Variants in CD80 observed in about 807,000 individuals in gnomAD.
CD80 encodes the protein T-lymphocyte activation antigen CD80.
CD80 carries 13 observed loss-of-function variants against 27.1 expected under a neutral mutation model. The ratio of observed to expected loss-of-function variants is 0.48; its 90% CI spans 0.31 to 0.76. CD80 has a LOEUF of 0.76. CD80 is among the 30% of genes least tolerant of loss of function. CD80 has a pLI of 0.04. For missense variants in CD80, 277 were observed against 347.9 expected (o/e 0.80, Z 1.62); for synonymous variants, 125 against 125.5 (o/e 1.00, Z 0.03).
chr3:119,542,541 A>G (rs891054491), intron 3 of CD80, among the ~76,000 whole-genome samples: 1 of 152,198 alleles, frequency 6.6e-6, no homozygotes, highest in African/African-American at 2.4e-5. Flanking sequence ...TAATTTCTCA[A>G]AAAGGGCTCT....
At chr3:119,527,155 T>A (rs540188891) in intron 6 of CD80, among the ~76,000 whole-genome samples, 1 of 152,306 alleles carries the variant, frequency 6.6e-6, no homozygotes, top group East Asian at 1.9e-4. Flanking sequence ...TTGACAGAAC[T>A]CAAGGGTATT....
chr3:119,528,580 A>G (rs1466614218), intron 5 of CD80, among the ~76,000 whole-genome samples: 2 of 152,156 alleles, frequency 1.3e-5, no homozygotes, highest in African/African-American at 2.4e-5. Context: ...TCATCCAAAA[A>G]TGTATTCTAA....
intron 2 of CD80, among the ~76,000 whole-genome samples, chr3:119,546,815 AACACAC>A (rs10661634): frequency 2.0e-5 from 3 of 149,282 alleles, no homozygotes; most frequent in Non-Finnish European, 3.0e-5. Context: ...GTGATGCAAC[AACACAC>A]ACACACACAC....
chr3:119,530,093 C>G (rs2082101756), intron 4 of CD80, among the ~76,000 whole-genome samples, 156 bp from the exon 5 acceptor site: 1 of 152,190 alleles, frequency 6.6e-6, no homozygotes, highest in Non-Finnish European at 1.5e-5. Flanking sequence ...ATTCTTCAAT[C>G]AGGCACATAC....
chr3:119,534,752 T>A (rs2082127730), intron 4 of CD80, among the ~76,000 whole-genome samples: 1 of 152,192 alleles, frequency 6.6e-6, no homozygotes, highest in Non-Finnish European at 1.5e-5. Context: ...ATAAACTATA[T>A]GATTGAAGCC....
At chr3:119,552,708 T>G (rs998385162) in intron 2 of CD80, among the ~76,000 whole-genome samples, 2 of 151,896 alleles carry the variant, frequency 1.3e-5, no homozygotes, top group African/African-American at 4.8e-5. Flanking sequence ...TACAACAGAA[T>G]ATTATTTCAG....
intron 2 of CD80, among the ~76,000 whole-genome samples, chr3:119,554,574 T>C (rs2082252268): frequency 6.6e-6 from 1 of 152,294 alleles, no homozygotes; most frequent in Admixed American, 6.5e-5. Context: ...GGTTCCACCC[T>C]GTGCATGAAA....
chr3:119,548,893 C>T (rs540159775), intron 2 of CD80, among the ~76,000 whole-genome samples: 2 of 152,154 alleles, frequency 1.3e-5, no homozygotes, highest in South Asian at 2.1e-4. Context: ...AAAAATTAGC[C>T]GGGCATGTTG....
At position 119,527,916 on chromosome 3, in the gene CD80, T is replaced by C; in HGVS notation, c.797-75A>G. ...TTGTGCCCATATGTTAATATTTACT[T>C]TAGCAAGGCTTCAGACTGGCTTAGA... is the stretch of plus-strand genomic sequence containing the variant. On this transcript the variant is annotated intron_variant, in intron 5 of 6. Transcript: ENST00000264246. 3 of 1,298,446 alleles carry C rather than the reference T, an allele frequency of 2.3e-6. No individual in the cohort carries two copies. In the South Asian group the frequency reaches 3.6e-5, roughly 16 times the overall value. The allele number at this position is 1,298,446 out of a possible 1,614,324, so 80.4% of individuals were successfully genotyped here. A position where few individuals can be genotyped will look rare whatever the true frequency, so the allele number is the denominator to read the frequency against.
intron 2 of CD80, 77 bp downstream of exon 2, chr3:119,557,552 A>G: frequency 1.1e-6 from 1 of 910,746 alleles, no homozygotes; most frequent in Non-Finnish European, 1.7e-6. Context: ...AATAGAAGGG[A>G]GCAGCTCAGA....
At chr3:119,535,047 C>CTGTGTG (rs933094993) in intron 4 of CD80, among the ~76,000 whole-genome samples, 1 of 152,110 alleles carries the variant, frequency 6.6e-6, no homozygotes, top group African/African-American at 2.4e-5. Context: ...CAAAAATTAT[C>CTGTGTG]TGTGTGTGGT....
intron 2 of CD80, among the ~76,000 whole-genome samples, chr3:119,550,478 C>T (rs1043153294): frequency 6.6e-6 from 1 of 152,138 alleles, no homozygotes; most frequent in African/African-American, 2.4e-5. Context: ...CACACGGGAA[C>T]CCAGTTTTCG....
chr3:119,547,988 C>CTT (rs11342226), intron 2 of CD80, among the ~76,000 whole-genome samples: 15 of 147,596 alleles, frequency 1.0e-4, no homozygotes, highest in South Asian at 4.3e-4. Flanking sequence ...TTTTCTTTTT[C>CTT]TTTTTTTTTT....
intron 2 of CD80, among the ~76,000 whole-genome samples, chr3:119,556,801 G>A (rs1339609499): frequency 1.3e-5 from 2 of 152,062 alleles, no homozygotes; most frequent in African/African-American, 4.8e-5. Context: ...TTGGGAAACT[G>A]GGAAGTATGC....
At chr3:119,549,102 A>G (rs2082216572) in intron 2 of CD80, among the ~76,000 whole-genome samples, 1 of 152,102 alleles carries the variant, frequency 6.6e-6, no homozygotes, top group South Asian at 2.1e-4. Flanking sequence ...GATTGATCCC[A>G]TGGTTCCAGG....
rs756594891 is a variant in CD80, at chr3:119,544,871, T to C, written c.101-4A>G. ...TCCTTGGTCACGTGGATAACACCTA[T>C]GGAGAGGCAAACAGAACAAGATTGT... is the stretch of plus-strand genomic sequence containing the variant. On this transcript the variant is annotated splice_polypyrimidine_tract_variant and splice_region_variant and intron_variant, in intron 2 of 6. Transcript: ENST00000264246. 7 of 1,611,606 alleles carry C rather than the reference T, an allele frequency of 4.3e-6. No individual in the cohort carries two copies. Among genetic ancestry groups the C allele is most frequent in the Non-Finnish European group, 5.1e-6 (6 of 1,178,134 alleles).
At chr3:119,534,814 T>C (rs2082127927) in intron 4 of CD80, among the ~76,000 whole-genome samples, 1 of 152,198 alleles carries the variant, frequency 6.6e-6, no homozygotes, top group Non-Finnish European at 1.5e-5. Flanking sequence ...GACTGGTAAG[T>C]TTGGAGTATC....
intron 4 of CD80, among the ~76,000 whole-genome samples, chr3:119,534,635 A>G (rs1256381944): frequency 1.3e-5 from 2 of 152,232 alleles, no homozygotes; most frequent in Non-Finnish European, 2.9e-5. Flanking sequence ...AATCCAAGCT[A>G]GTATTACTGA....
intron 1 of CD80, among the ~76,000 whole-genome samples, chr3:119,558,487 G>A (rs1224768748): frequency 1.3e-5 from 2 of 152,228 alleles, no homozygotes; most frequent in Non-Finnish European, 2.9e-5. Flanking sequence ...CCAGGGCCAG[G>A]CGTGGTGGCT....
Sources: gnomAD v4.1 joint callset for allele counts (sites outside exome capture counted in the v4.1 genomes callset) on GRCh38, gnomAD v4.1.1 for gene constraint, MANE v1.5 for transcripts, NCBI Gene and HGNC (gene_info 2026-07-23, HGNC 2026-07-21) for gene names.